The following TENT4B variants were observed in gnomAD, a reference collection of about 807,000 sequenced individuals.
The protein encoded by TENT4B is terminal nucleotidyltransferase 4B.
Under a neutral mutation model 75.0 loss-of-function variants are expected in TENT4B, and 10 were observed. The observed-to-expected ratio is 0.13, with a 90% confidence interval of 0.08 to 0.23. The LOEUF is 0.23. TENT4B is among the 10% of genes least tolerant of loss of function. The probability of loss-of-function intolerance (pLI) is 1.00; values close to 1 mark genes in which losing one functional copy is unlikely to be tolerated. For synonymous variants in TENT4B, 350 were observed against 357.7 expected, an observed-to-expected ratio of 0.98 and a Z score of 0.24; for missense variants, 579 against 893.8, an observed-to-expected ratio of 0.65 and a Z score of 4.49.
intron 5 of TENT4B, among the ~76,000 whole-genome samples, chr16:50,220,697 T>C (rs1198371986): frequency 6.6e-6 from 1 of 151,928 alleles, no homozygotes; most frequent in Admixed American, 6.6e-5. Context: ...CTGGGCTAAT[T>C]TTTGTATTTT....
At chr16:50,175,973 G>T (rs972177172) in intron 1 of TENT4B, among the ~76,000 whole-genome samples, 1 of 152,008 alleles carries the variant, frequency 6.6e-6, no homozygotes, top group Non-Finnish European at 1.5e-5. Flanking sequence ...TTTAGAGACA[G>T]GGTTTTACCA....
intron 1 of TENT4B, among the ~76,000 whole-genome samples, chr16:50,169,824 C>T (rs2038172752): frequency 6.6e-6 from 1 of 152,150 alleles, no homozygotes; most frequent in Non-Finnish European, 1.5e-5. Flanking sequence ...GTGAACTCTA[C>T]TGGGCTTTTG....
chr16:50,224,857 C>T (rs766829492), intron 8 of TENT4B, 34 bp from the exon 9 acceptor site: 44 of 1,609,968 alleles, frequency 2.7e-5, no homozygotes, highest in Non-Finnish European at 3.7e-5. Context: ...TAATGTTATT[C>T]CCTCCCTCTC....
Position 50,154,034 on chromosome 16 carries a change from C to T in TENT4B, c.413C>T (p.Ser138Phe). ...SASSPPSASS[S>F]PHPSAAVPAA... Reference sequence around the variant, plus strand: ...TCCTCGCCTCCCTCGGCGTCCTCGTCCCCGCACCCTTCGGCCGCCGTCCCC... The same window carrying T: ...TCCTCGCCTCCCTCGGCGTCCTCGTTCCCGCACCCTTCGGCCGCCGTCCCC... The change falls in exon 1 of 12, where the codon TCC becomes TTC. Residue 138 changes from serine (S) to phenylalanine (F), a missense_variant. By Grantham distance (155) the Ser-to-Phe change is radical (BLOSUM62 -2). This residue lies in a region of TENT4B where 253 missense variants were observed against 270.1 expected (regional missense o/e 0.94). Coordinates refer to ENST00000561678, the MANE Select transcript of TENT4B (RefSeq NM_001365324.3). 11 of 1,532,748 alleles carry T rather than the reference C, an allele frequency of 7.2e-6. No homozygotes were observed. The highest frequency in any genetic ancestry group is 9.6e-6 in the Non-Finnish European group (11 of 1,145,496). 94.9% of individuals were successfully genotyped at this position (1,532,748 alleles called of 1,614,324 possible). A position where few individuals can be genotyped will look rare whatever the true frequency, so the allele number is the denominator to read the frequency against.
At chr16:50,186,323 T>C (rs2038526428) in intron 1 of TENT4B, among the ~76,000 whole-genome samples, 1 of 152,186 alleles carries the variant, frequency 6.6e-6, no homozygotes, top group African/African-American at 2.4e-5. Context: ...CTGGCTTTTT[T>C]TTCTTCTTGT....
chr16:50,153,742 A>AGCAGCGGCGGCGCGAGCG lies in TENT4B; in HGVS notation c.124_141dup (p.Ser42_Gly47dup), dbSNP rs1170317995. 1.3e-4 allele frequency: 135 copies of AGCAGCGGCGGCGCGAGCG among 1,051,782 alleles called. No individual in the cohort carries two copies. The highest frequency in any genetic ancestry group is 1.5e-4 in the Non-Finnish European group (132 of 875,542). The allele number at this position is 1,051,782 out of a possible 1,614,324, so 65.2% of individuals were successfully genotyped here. Reference sequence around the variant, plus strand: ...CCTCTACTTCAACCACCACTGTCACAGCAGCGGCGGCGCGAGCGGCGGCGG... The same window carrying AGCAGCGGCGGCGCGAGCG: ...CCTCTACTTCAACCACCACTGTCACAGCAGCGGCGGCGCGAGCGGCAGCGGCGGCGCGAGCGGCGGCGG... On this transcript the variant is annotated inframe_insertion, in exon 1 of 12. Transcript: ENST00000561678.
Position 50,153,983 on chromosome 16 carries a change from G to GGGCCCGCCGGGCGGGCTCCTC in TENT4B, c.366_386dup (p.Arg123_Ala129dup). 6.5e-7 allele frequency: 1 copy of GGGCCCGCCGGGCGGGCTCCTC among 1,534,030 alleles called. No individual in the cohort carries two copies. The highest frequency in any genetic ancestry group is 8.7e-7 in the Non-Finnish European group (1 of 1,146,082). ...AACAACCACCACCAGCCCGGGGCCT[G>GGGCCCGCCGGGCGGGCTCCTC]GGCCCGCCGGGCGGGCTCCTCGGCG... On this transcript the variant is annotated inframe_insertion, in exon 1 of 12. Transcript: ENST00000561678.
In TENT4B at chr16:50,234,015, T is replaced by A; in HGVS notation, c.*4687T>A. On this transcript the variant is annotated 3_prime_UTR_variant, in exon 12 of 12. Coordinates refer to ENST00000561678, the MANE Select transcript of TENT4B (RefSeq NM_001365324.3). ...TTTGTGGCTTCACCACTGAGCTACC[T>A]TTCACTACACCAGCTTCTGTGTGGC... The A allele has an allele frequency of 1.0e-6, 1 of 985,474 alleles. No homozygotes were observed. Among genetic ancestry groups the A allele is most frequent in the Non-Finnish European group, 1.2e-6 (1 of 829,930 alleles). The allele number at this position is 985,474 out of a possible 1,614,324, so 61.0% of individuals were successfully genotyped here.
At chr16:50,191,548 A>G (rs2038639184) in intron 1 of TENT4B, among the ~76,000 whole-genome samples, 1 of 152,298 alleles carries the variant, frequency 6.6e-6, no homozygotes, top group East Asian at 1.9e-4. Context: ...TGTTCGGATT[A>G]TAGGCGTGAG....
chr16:50,226,791 A>G (rs531813246), intron 10 of TENT4B, among the ~76,000 whole-genome samples: 178 of 152,328 alleles, frequency 1.2e-3, no homozygotes, highest in Non-Finnish European at 1.7e-3. Context: ...TTTTTAGAAC[A>G]TATTCACAAT....
intron 1 of TENT4B, among the ~76,000 whole-genome samples, chr16:50,154,732 G>A (rs2037857309): frequency 6.6e-6 from 1 of 152,002 alleles, no homozygotes; most frequent in Admixed American, 6.6e-5. Flanking sequence ...GGACCCGGAG[G>A]TGCTTTCCTT....
At chr16:50,219,256 C>T (rs1596744032) in intron 5 of TENT4B, among the ~76,000 whole-genome samples, 1 of 152,062 alleles carries the variant, frequency 6.6e-6, no homozygotes, top group East Asian at 1.9e-4. Context: ...TTTCTCATTG[C>T]CAATTATTGT....
intron 1 of TENT4B, among the ~76,000 whole-genome samples, chr16:50,202,990 G>A (rs1334955458): frequency 6.6e-6 from 1 of 152,206 alleles, no homozygotes; most frequent in Non-Finnish European, 1.5e-5. Flanking sequence ...TTCTAGGAAA[G>A]CAGGCACGAG....
At chr16:50,157,227 T>C (rs2037917973) in intron 1 of TENT4B, among the ~76,000 whole-genome samples, 1 of 152,238 alleles carries the variant, frequency 6.6e-6, no homozygotes, top group Non-Finnish European at 1.5e-5. Flanking sequence ...ATGGGACAGC[T>C]ATATAGTCTC....
intron 5 of TENT4B, among the ~76,000 whole-genome samples, chr16:50,222,045 A>C (rs2031854423): frequency 6.6e-6 from 1 of 152,190 alleles, no homozygotes; most frequent in African/African-American, 2.4e-5. Flanking sequence ...GATTACAGGC[A>C]TGAGCCACCA....
At chr16:50,161,175 T>G (rs2037996851) in intron 1 of TENT4B, among the ~76,000 whole-genome samples, 1 of 152,240 alleles carries the variant, frequency 6.6e-6, no homozygotes, top group African/African-American at 2.4e-5. Flanking sequence ...ACGTAATTGT[T>G]TTTTTGTAAG....
intron 5 of TENT4B, among the ~76,000 whole-genome samples, chr16:50,221,076 T>A (rs776640005): frequency 6.6e-6 from 1 of 151,922 alleles, no homozygotes; most frequent in East Asian, 1.9e-4. Flanking sequence ...CATTTGAGCT[T>A]AGGAGTTCAA....
chr16:50,182,891 C>CTTTTTTTTTTTGTTTTTTTTT (rs2038444301), intron 1 of TENT4B, among the ~76,000 whole-genome samples: 1 of 36,458 alleles, frequency 2.7e-5, no homozygotes, highest in Non-Finnish European at 5.1e-5. Context: ...TTTATTTTAC[C>CTTTTTTTTTTTGTTTTTTTTT]TTTTTTTTTT....
At chr16:50,224,539 T>A in intron 7 of TENT4B, 118 bp from the exon 8 acceptor site, 1 of 1,307,466 alleles carries the variant, frequency 7.6e-7, no homozygotes, top group Non-Finnish European at 1.0e-6. Flanking sequence ...CAGCTCAGCT[T>A]CCAGGCACAA....
Sources: allele counts gnomAD v4.1 joint callset (sites outside exome capture counted in the v4.1 genomes callset), GRCh38; gene constraint gnomAD v4.1.1; regional missense constraint gnomAD v4.1.1; transcripts MANE v1.5; gene names NCBI Gene and HGNC (gene_info 2026-07-23, HGNC 2026-07-21).